The following OSBPL10 variants were observed in gnomAD, a reference collection of about 807,000 sequenced individuals.
OSBPL10 encodes oxysterol-binding protein-related protein 10.
Under a neutral mutation model 81.7 loss-of-function variants are expected in OSBPL10, and 49 were observed. The observed-to-expected ratio is 0.60, with a 90% CI of 0.48 to 0.76. The LOEUF (loss-of-function observed/expected upper bound fraction) is 0.76, where lower values mean the gene tolerates loss of function less well. OSBPL10 is among the 30% of genes least tolerant of loss of function. OSBPL10 has a pLI of 0.00. For synonymous variants in OSBPL10, 419 were observed against 383.6 expected (o/e 1.09, Z -1.08); for missense variants, 923 against 987.8 (o/e 0.93, Z 0.88).
chr3:31,974,758 A>AG (rs1559538906), intron 1 of OSBPL10, among the ~76,000 whole-genome samples: 1 of 152,210 alleles, frequency 6.6e-6, no homozygotes, highest in Admixed American at 6.5e-5. Flanking sequence ...TGTGGGGGAC[A>AG]GGGAATGTTT....
intron 1 of OSBPL10, among the ~76,000 whole-genome samples, chr3:31,891,607 C>T (rs1371051133): frequency 6.6e-6 from 1 of 152,188 alleles, no homozygotes; most frequent in Non-Finnish European, 1.5e-5. Flanking sequence ...GATGCTGATG[C>T]TCATATTGCA....
intron 1 of OSBPL10, among the ~76,000 whole-genome samples, chr3:31,965,815 ATATAT>A (rs1284319379): frequency 1.6e-5 from 1 of 62,838 alleles, no homozygotes; most frequent in Non-Finnish European, 2.2e-5. Flanking sequence ...TTTATATAAT[ATATAT>A]TATATAAATA....
rs188005528 is a variant in OSBPL10 at position 31,803,597 on chromosome 3, T to A, written c.729+26443A>T. 2.1e-3 allele frequency among the ~76,000 whole-genome samples: 320 copies of A among 152,362 alleles called. 6 individuals are homozygous for A. In the East Asian group the frequency reaches 0.023, roughly 11 times the overall value. ...TAACATCTTACATAAAAGTAGTTAT[T>A]CAAATGAAGAAATTTATATGGACAA... On this transcript the variant is annotated intron_variant, in intron 4 of 11. Transcript: ENST00000396556.
intron 3 of OSBPL10, among the ~76,000 whole-genome samples, chr3:31,840,071 T>A (rs1700455835): frequency 6.6e-6 from 1 of 151,536 alleles, no homozygotes; most frequent in African/African-American, 2.4e-5. Context: ...TATGCTCTAT[T>A]TCTTCTCACG....
intron 1 of OSBPL10, among the ~76,000 whole-genome samples, chr3:31,965,474 T>A (rs1225407821): frequency 9.7e-6 from 1 of 102,926 alleles, no homozygotes; most frequent in Non-Finnish European, 1.8e-5. Flanking sequence ...ATAATATATA[T>A]TATATATTAT....
At chr3:31,790,917 C>T (rs1262006444) in intron 4 of OSBPL10, among the ~76,000 whole-genome samples, 2 of 152,196 alleles carry the variant, frequency 1.3e-5, no homozygotes, top group African/African-American at 4.8e-5. Context: ...TGTTGGAACT[C>T]ATTTTAATGT....
chr3:31,783,050 A>C (rs1209755430), intron 4 of OSBPL10, among the ~76,000 whole-genome samples: 6 of 150,656 alleles, frequency 4.0e-5, no homozygotes, highest in Non-Finnish European at 7.4e-5. Context: ...ATGCCCATCA[A>C]TTAAGGAGTG....
In OSBPL10 at chr3:31,733,308, T is replaced by C. The variant is rs2125666360; in HGVS notation, c.1044A>G (p.Ala348=). The C allele has an allele frequency of 1.2e-6, 2 of 1,612,678 alleles. No homozygotes were observed. Among genetic ancestry groups the C allele is most frequent in the South Asian group, 1.1e-5 (1 of 90,600 alleles). Residue 348 remains alanine (A), a synonymous_variant, in exon 6 of 12, where the codon GCA becomes GCG. Transcript: ENST00000396556. ...CGTCTTCAGCAGAGTTTGGTAAAAT[T>C]GCCCAGGTTATGTTGGCACTGGCTG... ...LPSASANITW[A]ILPNSAEDEQ...
intron 2 of OSBPL10, among the ~76,000 whole-genome samples, chr3:32,002,589 G>A (rs962379505): frequency 1.3e-5 from 2 of 152,156 alleles, no homozygotes; most frequent in African/African-American, 4.8e-5. Flanking sequence ...TGTACCTAGG[G>A]TTTGAATCAA....
chr3:31,809,466 G>C (rs1453261629), intron 4 of OSBPL10, among the ~76,000 whole-genome samples: 6 of 152,178 alleles, frequency 3.9e-5, no homozygotes, highest in Admixed American at 6.5e-5. Context: ...CCTATTCTTA[G>C]AAAGTATATC....
chr3:31,868,702 T>A (rs75059848), intron 3 of OSBPL10, among the ~76,000 whole-genome samples: 9,730 of 152,214 alleles, frequency 0.064, 951 homozygotes, highest in African/African-American at 0.21. Flanking sequence ...ACCCTTAAAA[T>A]TTTTCTCAGT....
intron 4 of OSBPL10, among the ~76,000 whole-genome samples, chr3:31,752,042 G>A (rs577877745): frequency 6.6e-6 from 1 of 152,276 alleles, no homozygotes; most frequent in South Asian, 2.1e-4. Flanking sequence ...CATGTGAGAA[G>A]ATAAATGTGG....
At chr3:31,835,579 G>A (rs1700343376) in intron 3 of OSBPL10, among the ~76,000 whole-genome samples, 1 of 151,970 alleles carries the variant, frequency 6.6e-6, no homozygotes, top group African/African-American at 2.4e-5. Flanking sequence ...ATTTACTTTG[G>A]AACATATTTT....
At chr3:31,929,332 A>G (rs1202542025) in intron 1 of OSBPL10, among the ~76,000 whole-genome samples, 1 of 152,236 alleles carries the variant, frequency 6.6e-6, no homozygotes, top group Admixed American at 6.5e-5. Context: ...CAACATAATT[A>G]GACAAGAAAA....
chr3:31,999,401 C>T (rs1014795931), intron 2 of OSBPL10, among the ~76,000 whole-genome samples: 27 of 139,428 alleles, frequency 1.9e-4, no homozygotes, highest in African/African-American at 2.8e-5. Context: ...CACTCTGTTG[C>T]CCAGGCTGGA....
chr3:31,881,503 T>C (rs1695577134), intron 1 of OSBPL10, among the ~76,000 whole-genome samples: 1 of 152,122 alleles, frequency 6.6e-6, no homozygotes, highest in Non-Finnish European at 1.5e-5. Context: ...CATCATATTT[T>C]TGCAAAGAGT....
In OSBPL10 at chr3:31,685,723, T is replaced by C. The variant is rs944284666; in HGVS notation, c.1246-1609A>G. ...CAGTCCCTCACTCCCATGAAAACAT[T>C]TGGGAGGGTGTATGATCACGGACCA... On this transcript the variant is annotated intron_variant, in intron 7 of 11. Transcript: ENST00000396556. Among the ~76,000 whole-genome samples the C allele has an allele frequency of 3.9e-5, 6 of 152,210 alleles. 1 individual carries two copies. In the Middle Eastern group the frequency reaches 0.017, roughly 431 times the overall value.
At chr3:31,775,797 C>T (rs1290406115) in intron 4 of OSBPL10, among the ~76,000 whole-genome samples, 1 of 152,088 alleles carries the variant, frequency 6.6e-6, no homozygotes, top group African/African-American at 2.4e-5. Context: ...TACTCCATTT[C>T]CAGGCCTTGG....
At chr3:31,812,847 C>T (rs62244855) in intron 4 of OSBPL10, among the ~76,000 whole-genome samples, 2,751 of 128,564 alleles carry the variant, frequency 0.021, 173 homozygotes, top group African/African-American at 0.079. Flanking sequence ...AAAGAAAGAA[C>T]GAACTTCTCC....
Sources: gnomAD v4.1 joint callset for allele counts (sites outside exome capture counted in the v4.1 genomes callset) on GRCh38, gnomAD v4.1.1 for gene constraint, MANE v1.5 for transcripts, NCBI Gene and HGNC (gene_info 2026-07-23, HGNC 2026-07-21) for gene names.